PCSK2: variants seen among roughly 807,000 people sequenced by gnomAD.
PCSK2 encodes neuroendocrine convertase 2.
Under a neutral mutation model 69.7 loss-of-function variants are expected in PCSK2, and 14 were observed. That is an observed-to-expected ratio of 0.20 (90% CI 0.13 to 0.31). The LOEUF (loss-of-function observed/expected upper bound fraction) is 0.31. Ranked by LOEUF, PCSK2 falls within the 10% of genes least tolerant of loss-of-function variation. PCSK2 has a pLI of 1.00. For missense variants in PCSK2, 544 were observed against 842.5 expected, an observed-to-expected ratio of 0.65 and a Z score of 4.39; for synonymous variants, 307 against 320.7, an observed-to-expected ratio of 0.96 and a Z score of 0.46.
intron 6 of PCSK2, among the ~76,000 whole-genome samples, chr20:17,409,786 A>G (rs938293717): frequency 5.3e-5 from 8 of 152,182 alleles, no homozygotes; most frequent in Admixed American, 2.6e-4. Context: ...CAAAACAGTA[A>G]GTGTGATTGG....
At chr20:17,424,109 A>T (rs2032192119) in intron 6 of PCSK2, among the ~76,000 whole-genome samples, 1 of 152,218 alleles carries the variant, frequency 6.6e-6, no homozygotes, top group Non-Finnish European at 1.5e-5. Context: ...TTCTTTTCAA[A>T]TTATTTGTAA....
chr20:17,267,005 G>T (rs1228724291), intron 2 of PCSK2, among the ~76,000 whole-genome samples: 2 of 152,104 alleles, frequency 1.3e-5, no homozygotes, highest in African/African-American at 2.4e-5. Flanking sequence ...CACTCAATTT[G>T]TCTGTAAATT....
chr20:17,418,368 C>T (rs1205839628), intron 6 of PCSK2, among the ~76,000 whole-genome samples: 3 of 152,022 alleles, frequency 2.0e-5, no homozygotes, highest in Admixed American at 6.6e-5. Context: ...GAGTAGGGAA[C>T]GAATGTATCC....
intron 2 of PCSK2, among the ~76,000 whole-genome samples, chr20:17,314,437 C>T (rs984246346): frequency 2.0e-5 from 3 of 152,324 alleles, no homozygotes; most frequent in Non-Finnish European, 2.9e-5. Context: ...ATGTTTATCA[C>T]CCATGTAGAA....
At chr20:17,326,766 G>A (rs1003238942) in intron 2 of PCSK2, among the ~76,000 whole-genome samples, 1 of 152,212 alleles carries the variant, frequency 6.6e-6, no homozygotes, top group Non-Finnish European at 1.5e-5. Context: ...ATCTAGGGAA[G>A]AAAAAGCCCT....
At chr20:17,372,633 C>G (rs145745762) in intron 5 of PCSK2, among the ~76,000 whole-genome samples, 13 of 152,166 alleles carry the variant, frequency 8.5e-5, no homozygotes, top group Non-Finnish European at 1.9e-4. Flanking sequence ...TCATTCAGAG[C>G]AAAGTCTGAG....
At chr20:17,420,567 T>C (rs1029228920) in intron 6 of PCSK2, among the ~76,000 whole-genome samples, 1 of 152,188 alleles carries the variant, frequency 6.6e-6, no homozygotes, top group Non-Finnish European at 1.5e-5. Context: ...GGAGTAGATG[T>C]AATATAGATT....
At chr20:17,272,445 A>G (rs1342722565) in intron 2 of PCSK2, among the ~76,000 whole-genome samples, 1 of 152,114 alleles carries the variant, frequency 6.6e-6, no homozygotes, top group African/African-American at 2.4e-5. Context: ...TCCTTGAAGG[A>G]TCGAGGTATT....
At chr20:17,412,188 T>C (rs2031890327) in intron 6 of PCSK2, among the ~76,000 whole-genome samples, 1 of 152,116 alleles carries the variant, frequency 6.6e-6, no homozygotes. Context: ...CTTTGATGAG[T>C]TGACAGAAGT....
chr20:17,463,121 TTCTC>T (rs1166107046), intron 10 of PCSK2, among the ~76,000 whole-genome samples: 1 of 134,736 alleles, frequency 7.4e-6, no homozygotes, highest in African/African-American at 2.7e-5. Flanking sequence ...GAAACATTAT[TTCTC>T]TCTCTCTCAT....
chr20:17,353,713 T>C (rs558840340), intron 2 of PCSK2, among the ~76,000 whole-genome samples: 3 of 152,318 alleles, frequency 2.0e-5, no homozygotes, highest in African/African-American at 7.2e-5. Context: ...TGCTACACTA[T>C]TCACAGTTGC....
At chr20:17,468,948 A>T (rs2033154675) in intron 11 of PCSK2, among the ~76,000 whole-genome samples, 1 of 152,222 alleles carries the variant, frequency 6.6e-6, no homozygotes, top group African/African-American at 2.4e-5. Flanking sequence ...TTTTTCCATG[A>T]AACAGTCCAT....
intron 2 of PCSK2, among the ~76,000 whole-genome samples, chr20:17,316,313 C>T (rs975253334): frequency 1.3e-5 from 2 of 152,172 alleles, no homozygotes; most frequent in African/African-American, 2.4e-5. Context: ...CCAAGGGTGC[C>T]GTCTGTTATC....
chr20:17,319,133 T>A (rs921265256), intron 2 of PCSK2, among the ~76,000 whole-genome samples: 3 of 152,244 alleles, frequency 2.0e-5, no homozygotes, highest in South Asian at 4.1e-4. Flanking sequence ...GACTTTTTTT[T>A]TATACCTGGG....
chr20:17,252,854 A>G (rs1195669326), intron 1 of PCSK2, among the ~76,000 whole-genome samples: 2 of 152,256 alleles, frequency 1.3e-5, no homozygotes, highest in Admixed American at 6.5e-5. Flanking sequence ...AAATGTCAAT[A>G]AACATATGAA....
At chr20:17,321,306 T>C (rs967908350) in intron 2 of PCSK2, among the ~76,000 whole-genome samples, 6 of 152,212 alleles carry the variant, frequency 3.9e-5, no homozygotes, top group Non-Finnish European at 8.8e-5. Flanking sequence ...CCACATAGGA[T>C]TGCAGTGACA....
upstream of PCSK2, chr20:17,226,528 AGAGAAAGAGAGAGAGAG>A (rs1284364045): frequency 8.4e-6 from 1 of 118,820 alleles, no homozygotes; most frequent in Non-Finnish European, 1.7e-5. Flanking sequence ...TTTGAGAGAG[AGAGAAAGAGAGAGAGAG>A]AGAGAGAGAG....
At chr20:17,418,428 G>T (rs944992672) in intron 6 of PCSK2, among the ~76,000 whole-genome samples, 1 of 152,160 alleles carries the variant, frequency 6.6e-6, no homozygotes, top group Non-Finnish European at 1.5e-5. Flanking sequence ...GGAGGTGCAG[G>T]ATATGTTCAG....
chr20:17,310,483 C>T (rs1989470513), intron 2 of PCSK2, among the ~76,000 whole-genome samples: 1 of 152,146 alleles, frequency 6.6e-6, no homozygotes, highest in Admixed American at 6.5e-5. Context: ...GAGAACTTGC[C>T]TTGTTCCTCT....
Sources: gnomAD v4.1 joint callset for allele counts (sites outside exome capture counted in the v4.1 genomes callset) on GRCh38, gnomAD v4.1.1 for gene constraint, MANE v1.5 for transcripts, NCBI Gene and HGNC (gene_info 2026-07-23, HGNC 2026-07-21) for gene names.